RIMS1: variants seen among roughly 807,000 people sequenced by gnomAD.
The protein encoded by RIMS1 is regulating synaptic membrane exocytosis protein 1.
Under a neutral mutation model 214.1 loss-of-function variants are expected in RIMS1, and 83 were observed. The observed-to-expected ratio is 0.39, with a 90% CI of 0.32 to 0.47. RIMS1 has a LOEUF of 0.47. Among genes scored for constraint, RIMS1 ranks in the 20% least tolerant of loss-of-function variants. RIMS1 has a pLI of 0.99. For missense variants in RIMS1, 2,050 were observed against 2,161.8 expected, an observed-to-expected ratio of 0.95 and a Z score of 1.03; for synonymous variants, 793 against 786.8, an observed-to-expected ratio of 1.01 and a Z score of -0.13.
chr6:71,976,971 T>C (rs1047114795), intron 2 of RIMS1, among the ~76,000 whole-genome samples: 5 of 152,138 alleles, frequency 3.3e-5, no homozygotes, highest in African/African-American at 9.7e-5. Context: ...CTCTTGTCAT[T>C]ATTTCTCTAT....
chr6:71,979,368 A>G (rs1797924063), intron 2 of RIMS1, among the ~76,000 whole-genome samples: 4 of 152,110 alleles, frequency 2.6e-5, no homozygotes, highest in Admixed American at 2.0e-4. Flanking sequence ...AAGACAAAAC[A>G]TGACCTATGT....
intron 2 of RIMS1, among the ~76,000 whole-genome samples, chr6:71,973,372 T>A (rs984353101): frequency 6.6e-6 from 1 of 152,206 alleles, no homozygotes; most frequent in Admixed American, 6.5e-5. Flanking sequence ...GTATTTTTCT[T>A]ATTTGGTCTT....
At chr6:71,932,873 G>C (rs1783458507) in intron 1 of RIMS1, among the ~76,000 whole-genome samples, 1 of 152,076 alleles carries the variant, frequency 6.6e-6, no homozygotes, top group African/African-American at 2.4e-5. Context: ...AAAAAAGATA[G>C]AGGAGCAAAA....
intron 4 of RIMS1, among the ~76,000 whole-genome samples, chr6:72,150,941 G>A (rs1207661875): frequency 6.6e-6 from 1 of 152,144 alleles, no homozygotes. Flanking sequence ...GTTATATTTG[G>A]TTTAGATGGA....
At chr6:72,133,418 A>C (rs778437511) in intron 4 of RIMS1, among the ~76,000 whole-genome samples, 2 of 152,170 alleles carry the variant, frequency 1.3e-5, no homozygotes, top group African/African-American at 2.4e-5. Flanking sequence ...TTACAACTTC[A>C]GAGGATATTC....
At chr6:72,083,457 G>A (rs1271898163) in intron 2 of RIMS1, among the ~76,000 whole-genome samples, 2 of 151,912 alleles carry the variant, frequency 1.3e-5, no homozygotes, top group Admixed American at 6.6e-5. Flanking sequence ...TTTGCTTGTG[G>A]GCTCATTTTT....
intron 23 of RIMS1, among the ~76,000 whole-genome samples, chr6:72,281,705 A>G (rs202037732): frequency 2.6e-5 from 4 of 151,988 alleles, no homozygotes; most frequent in Non-Finnish European, 5.9e-5. Flanking sequence ...CTCTAACAAT[A>G]TACATGGCTA....
intron 2 of RIMS1, among the ~76,000 whole-genome samples, chr6:72,030,768 A>G (rs1470011148): frequency 2.0e-5 from 3 of 152,188 alleles, no homozygotes; most frequent in Admixed American, 6.5e-5. Flanking sequence ...TAGAAAGGCA[A>G]AATTTAAGAA....
intron 2 of RIMS1, among the ~76,000 whole-genome samples, chr6:71,977,767 G>A (rs776783011): frequency 6.6e-6 from 1 of 152,080 alleles, no homozygotes; most frequent in Non-Finnish European, 1.5e-5. Context: ...ATCATGTTTA[G>A]GGAAGTAAAG....
chr6:72,364,737 C>T (rs1314161360), intron 29 of RIMS1, among the ~76,000 whole-genome samples: 2 of 152,132 alleles, frequency 1.3e-5, no homozygotes, highest in African/African-American at 4.8e-5. Flanking sequence ...AGTCAAAATA[C>T]GGTGTTTAAT....
At position 72,233,798 on chromosome 6, in the gene RIMS1, T is replaced by A. The variant is rs886061708; in HGVS notation, c.1704T>A (p.Asp568Glu). 2 of 1,579,912 alleles carry A rather than the reference T, an allele frequency of 1.3e-6. No homozygotes were observed. Among genetic ancestry groups the A allele is most frequent in the Non-Finnish European group, 8.6e-7 (1 of 1,160,712 alleles). Residue 568 changes from aspartate to glutamate, a missense_variant, in exon 7 of 34, where the codon GAT (aspartate) becomes GAA (glutamate). By Grantham distance (45) the Asp-to-Glu change is conservative. Around this residue, in one of 6 missense-constraint regions of RIMS1, gnomAD observed 882 missense variants for 828.9 expected, o/e 1.06. Coordinates refer to ENST00000521978, the MANE Select transcript of RIMS1 (RefSeq NM_014989.7). The part of the protein sequence containing the change: ...EKGDLDYYWL[D>E]PATWHSRETS... ...GTGATTTGGATTATTACTGGTTGGA[T>A]CCTGCCACGTGGCACAGCCGGGAGA...
At chr6:72,390,964 C>G (rs2098692668) in intron 30 of RIMS1, 5 of 407,012 alleles carry the variant, frequency 1.2e-5, no homozygotes, top group South Asian at 1.6e-4. Flanking sequence ...TCCACATGAA[C>G]AAATTGATTT....
intron 22 of RIMS1, among the ~76,000 whole-genome samples, chr6:72,267,196 C>T (rs2081001235): frequency 1.3e-5 from 2 of 152,042 alleles, no homozygotes; most frequent in African/African-American, 4.8e-5. Flanking sequence ...TCTCTAAAAT[C>T]ATAATTGGAA....
chr6:71,913,185 T>C (rs554005803), intron 1 of RIMS1, among the ~76,000 whole-genome samples: 1 of 152,306 alleles, frequency 6.6e-6, no homozygotes, highest in East Asian at 1.9e-4. Flanking sequence ...ATATGTGAAA[T>C]ATTTTATCAT....
At chr6:72,337,845 G>T (rs963876621) in intron 29 of RIMS1, among the ~76,000 whole-genome samples, 1 of 148,964 alleles carries the variant, frequency 6.7e-6, no homozygotes, top group Non-Finnish European at 1.5e-5. Context: ...GCAGTGTTTG[G>T]TTTTTTGTCC....
chr6:72,185,806 G>A (rs577417551), intron 6 of RIMS1, among the ~76,000 whole-genome samples: 3 of 152,156 alleles, frequency 2.0e-5, no homozygotes, highest in Non-Finnish European at 4.4e-5. Context: ...AGGTGTGCCT[G>A]CCTCTTCTGC....
chr6:72,238,623 A>C (rs2065315157), intron 9 of RIMS1, among the ~76,000 whole-genome samples: 1 of 152,122 alleles, frequency 6.6e-6, no homozygotes, highest in African/African-American at 2.4e-5. Flanking sequence ...TGTTAAAATC[A>C]CATTAAAATA....
At chr6:72,050,080 AC>A (rs1456471089) in intron 2 of RIMS1, among the ~76,000 whole-genome samples, 1 of 151,720 alleles carries the variant, frequency 6.6e-6, no homozygotes, top group African/African-American at 2.4e-5. Context: ...TTTGCACCTG[AC>A]CCCCACCCCT....
intron 2 of RIMS1, among the ~76,000 whole-genome samples, chr6:72,029,141 A>G (rs1268484299): frequency 1.3e-5 from 2 of 152,132 alleles, no homozygotes. Flanking sequence ...ATTTTCTATG[A>G]TGTGGCTTGA....
Sources: allele counts gnomAD v4.1 joint callset (sites outside exome capture counted in the v4.1 genomes callset), GRCh38; gene constraint gnomAD v4.1.1; regional missense constraint gnomAD v4.1.1; transcripts MANE v1.5; gene names NCBI Gene and HGNC (gene_info 2026-07-23, HGNC 2026-07-21).